PTPRM: variants seen among roughly 807,000 people sequenced by gnomAD.
PTPRM encodes the protein receptor-type tyrosine-protein phosphatase mu.
In PTPRM, 47 loss-of-function variants were observed where a neutral mutation model predicts 186.7. That is an observed-to-expected ratio of 0.25 (90% CI 0.20 to 0.32). PTPRM has a LOEUF of 0.32. PTPRM is among the 10% of genes least tolerant of loss of function. The probability of loss-of-function intolerance (pLI) is 1.00; values close to 1 mark genes in which losing one functional copy is unlikely to be tolerated. For missense variants in PTPRM, 1,494 were observed against 1,865.0 expected (o/e 0.80, Z 3.66); for synonymous variants, 668 against 674.9 (o/e 0.99, Z 0.16).
intron 14 of PTPRM, among the ~76,000 whole-genome samples, chr18:8,183,822 G>C (rs1309944592): frequency 6.6e-6 from 1 of 152,174 alleles, no homozygotes; most frequent in African/African-American, 2.4e-5. Flanking sequence ...CAACCTCAGA[G>C]GTGATTTGTC....
intron 29 of PTPRM, among the ~76,000 whole-genome samples, chr18:8,380,893 T>G (rs1175653352): frequency 1.3e-5 from 2 of 152,046 alleles, no homozygotes; most frequent in African/African-American, 4.8e-5. Context: ...AGCCTACAGG[T>G]AGAGATCGTC....
At chr18:7,809,928 G>T (rs1469608813) in intron 2 of PTPRM, among the ~76,000 whole-genome samples, 2 of 152,218 alleles carry the variant, frequency 1.3e-5, no homozygotes, top group Non-Finnish European at 2.9e-5. Flanking sequence ...ACCTCTAGGT[G>T]TGTTCCTGTT....
intron 1 of PTPRM, among the ~76,000 whole-genome samples, chr18:7,585,525 A>G (rs1369379459): frequency 6.6e-6 from 1 of 152,216 alleles, no homozygotes; most frequent in African/African-American, 2.4e-5. Context: ...CAGAGGTTGG[A>G]AAAGTGTTGA....
intron 29 of PTPRM, among the ~76,000 whole-genome samples, 164 bp from the exon 30 acceptor site, chr18:8,384,397 G>A (rs917240797): frequency 6.6e-6 from 1 of 152,164 alleles, no homozygotes; most frequent in Non-Finnish European, 1.5e-5. Flanking sequence ...GCTCAAGGCT[G>A]CAGTGAGCCA....
chr18:8,212,135 C>G (rs1416855580), intron 14 of PTPRM, among the ~76,000 whole-genome samples: 2 of 152,150 alleles, frequency 1.3e-5, no homozygotes, highest in Non-Finnish European at 2.9e-5. Context: ...CAGTTCAAGT[C>G]AGGACTGCAA....
intron 7 of PTPRM, among the ~76,000 whole-genome samples, chr18:8,050,297 A>G (rs2148256359): frequency 6.6e-6 from 1 of 152,356 alleles, no homozygotes; most frequent in Non-Finnish European, 1.5e-5. Context: ...TCAGACGATA[A>G]GAGCATGAAT....
chr18:7,956,678 G>A (rs905556499), intron 7 of PTPRM, among the ~76,000 whole-genome samples: 2 of 152,204 alleles, frequency 1.3e-5, no homozygotes, highest in Non-Finnish European at 2.9e-5. Context: ...GCCCTGAGTG[G>A]TGGCTCTAAG....
At chr18:7,942,417 C>T (rs1397583023) in intron 5 of PTPRM, among the ~76,000 whole-genome samples, 2 of 151,980 alleles carry the variant, frequency 1.3e-5, no homozygotes, top group Non-Finnish European at 2.9e-5. Context: ...GACAACAGGG[C>T]AGGATCTGAT....
chr18:8,066,140 GAAA>G (rs747339391), intron 7 of PTPRM, among the ~76,000 whole-genome samples: 1 of 151,702 alleles, frequency 6.6e-6, no homozygotes, highest in Non-Finnish European at 1.5e-5. Context: ...CAAAATGGCA[GAAA>G]AAAAAGTAAA....
At chr18:8,376,879 C>T (rs2095699586) in intron 26 of PTPRM, 2 of 335,438 alleles carry the variant, frequency 6.0e-6, no homozygotes, top group African/African-American at 4.3e-5. Context: ...GTTAAGTGCT[C>T]AGACTTTCAA....
At chr18:8,401,517 G>A (rs1477956310) in intron 32 of PTPRM, among the ~76,000 whole-genome samples, 1 of 152,170 alleles carries the variant, frequency 6.6e-6, no homozygotes, top group African/African-American at 2.4e-5. Flanking sequence ...TTTCCAGCCC[G>A]AAGGATCTGT....
chr18:7,825,532 G>T (rs1383472116), intron 2 of PTPRM, among the ~76,000 whole-genome samples: 1 of 152,140 alleles, frequency 6.6e-6, no homozygotes, highest in Non-Finnish European at 1.5e-5. Flanking sequence ...TATATAAAAG[G>T]ATGTGAGGGA....
rs148791730 is a variant in PTPRM at position 8,209,570 on chromosome 18, G to A, written c.2301-34488G>A. On this transcript the variant is annotated intron_variant, in intron 14 of 32. Transcript: ENST00000580170. ...TGAAATGTCTCTGACATCTGTGATG[G>A]ATTTAATTGTGTCCCCCCAAAAAGA... 5.3e-5 allele frequency among the ~76,000 whole-genome samples: 8 copies of A among 152,220 alleles called. No homozygotes were observed. The East Asian group carries it at 1.4e-3, about 26-fold the overall frequency.
chr18:7,977,600 G>A (rs1243216001), intron 7 of PTPRM, among the ~76,000 whole-genome samples: 1 of 152,162 alleles, frequency 6.6e-6, no homozygotes, highest in Non-Finnish European at 1.5e-5. Context: ...AGGGTAGGCA[G>A]GTTTGCTTAC....
intron 22 of PTPRM, among the ~76,000 whole-genome samples, chr18:8,330,676 T>C (rs2509542): frequency 0.93 from 139,897 of 150,134 alleles, 65,840 homozygotes; most frequent in East Asian, 1. Context: ...TTTTTGTCCT[T>C]GATTGCCGTC....
At chr18:8,229,982 G>A (rs982665324) in intron 14 of PTPRM, among the ~76,000 whole-genome samples, 3 of 152,176 alleles carry the variant, frequency 2.0e-5, no homozygotes, top group African/African-American at 7.2e-5. Context: ...TTACCACTAG[G>A]TCATCTGAAA....
intron 1 of PTPRM, among the ~76,000 whole-genome samples, chr18:7,760,231 T>A (rs1351762690): frequency 2.0e-5 from 3 of 152,206 alleles, no homozygotes; most frequent in Non-Finnish European, 4.4e-5. Context: ...TCCCCAACAG[T>A]CCACCTGATC....
At chr18:8,269,206 C>A (rs1667288436) in intron 19 of PTPRM, among the ~76,000 whole-genome samples, 1 of 151,860 alleles carries the variant, frequency 6.6e-6, no homozygotes, top group Non-Finnish European at 1.5e-5. Flanking sequence ...ATAAATTAAT[C>A]AGTAAAACAA....
chr18:8,124,111 A>T (rs1023366179), intron 13 of PTPRM, among the ~76,000 whole-genome samples: 1 of 152,218 alleles, frequency 6.6e-6, no homozygotes, highest in African/African-American at 2.4e-5. Flanking sequence ...TGAAGGACAC[A>T]CACACAACTG....
Sources: gnomAD v4.1 joint callset for allele counts (sites outside exome capture counted in the v4.1 genomes callset) on GRCh38, gnomAD v4.1.1 for gene constraint, MANE v1.5 for transcripts, NCBI Gene and HGNC (gene_info 2026-07-23, HGNC 2026-07-21) for gene names.